Variants in FREM1 observed in about 807,000 individuals in gnomAD.
The protein encoded by FREM1 is FRAS1 related extracellular matrix 1.
A neutral mutation model predicts 210.1 loss-of-function variants in FREM1; 220 were observed. The ratio of observed to expected loss-of-function variants is 1.05; its 90% CI spans 0.94 to 1.17. The LOEUF (loss-of-function observed/expected upper bound fraction) is 1.17. Ranked by LOEUF, FREM1 falls within the 50% of genes most tolerant of loss-of-function variation. FREM1 has a pLI of 0.00. For missense variants in FREM1, 3,454 were observed against 2,675.5 expected (o/e 1.29, Z -6.42); for synonymous variants, 1,189 against 980.2 (o/e 1.21, Z -3.98).
intron 27 of FREM1, among the ~76,000 whole-genome samples, chr9:14,768,500 A>G (rs556575129): frequency 7.2e-5 from 11 of 152,102 alleles, no homozygotes; most frequent in Admixed American, 1.3e-4. Flanking sequence ...ACATTTTAAT[A>G]TCACGGGCCA....
At chr9:14,860,902 C>CGTAT (rs1377329185) in intron 3 of FREM1, among the ~76,000 whole-genome samples, 686 of 67,030 alleles carry the variant, frequency 0.01, 69 homozygotes, top group Non-Finnish European at 0.012. Flanking sequence ...TACATATATA[C>CGTAT]ACATATACAC....
intron 14 of FREM1, among the ~76,000 whole-genome samples, chr9:14,818,539 G>T (rs180953486): frequency 6.6e-6 from 1 of 152,278 alleles, no homozygotes; most frequent in African/African-American, 2.4e-5. Flanking sequence ...GAGTGTGTGG[G>T]TCTACCCGAC....
chr9:14,760,869 T>C (rs771222180), intron 27 of FREM1, among the ~76,000 whole-genome samples: 4 of 150,726 alleles, frequency 2.7e-5, no homozygotes, highest in Non-Finnish European at 5.9e-5. Context: ...TTTTTTGCCA[T>C]CTGTAACCTT....
At chr9:14,799,850 G>C (rs914240763) in intron 20 of FREM1, among the ~76,000 whole-genome samples, 2 of 151,318 alleles carry the variant, frequency 1.3e-5, no homozygotes, top group African/African-American at 4.9e-5. Flanking sequence ...ACAATGTGCA[G>C]GTTAGTTACA....
Position 14,750,196 on chromosome 9 carries a change from T to A in FREM1, c.5488A>T (p.Asn1830Tyr). The A allele has an allele frequency of 6.2e-7, 1 of 1,613,830 alleles. No homozygotes were observed. Among genetic ancestry groups the A allele is most frequent in the Non-Finnish European group, 8.5e-7 (1 of 1,179,774 alleles). The change falls in exon 30 of 37, where the codon AAC becomes TAC. Residue 1830 changes from asparagine (N) to tyrosine (Y), a missense_variant. Physicochemically the swap from Asn to Tyr is moderately radical, Grantham distance 143. Transcript: ENST00000380880. ...CCAAGAACTGCATTCACAGGGGAGT[T>A]CAGAATTACTTCAAAGACCTCATCA... ...EDDEVFEVIL[N>Y]SPVNAVLGTK...
chr9:14,871,873 T>C lies in FREM1; in HGVS notation c.-267-2629A>G, dbSNP rs182815031. ...TAAGGACGGGATCCAGTTTCAGCTT[T>C]GTACATATGGCTAGCCAGTTTTCTC... On this transcript the variant is annotated intron_variant, in intron 1 of 36. Coordinates refer to ENST00000380880, the MANE Select transcript of FREM1 (RefSeq NM_001379081.2). 2.6e-4 allele frequency among the ~76,000 whole-genome samples: 40 copies of C among 152,336 alleles called. No individual in the cohort carries two copies. The East Asian group carries it at 7.1e-3, about 27-fold the overall frequency.
intron 1 of FREM1, among the ~76,000 whole-genome samples, chr9:14,878,214 G>A (rs1259538266): frequency 1.3e-5 from 2 of 152,070 alleles, no homozygotes; most frequent in African/African-American, 4.8e-5. Context: ...TATGTGATCT[G>A]TTTCCCTCTT....
At chr9:14,904,138 C>T (rs916491934) in intron 1 of FREM1, among the ~76,000 whole-genome samples, 2 of 126,850 alleles carry the variant, frequency 1.6e-5, no homozygotes, top group South Asian at 5.2e-4. Flanking sequence ...AAAAAAAAAA[C>T]ACTTAGACAT....
intron 32 of FREM1, 115 bp from the exon 33 acceptor site, chr9:14,747,543 C>G: frequency 1.8e-6 from 2 of 1,135,874 alleles, no homozygotes; most frequent in South Asian, 3.3e-5. Context: ...GGATTTGTTT[C>G]TCTGAACACC....
At chr9:14,776,316 A>C (rs1848568688) in intron 24 of FREM1, 113 bp from the exon 25 acceptor site, 2 of 1,243,704 alleles carry the variant, frequency 1.6e-6, no homozygotes, top group African/African-American at 1.5e-5. Context: ...GTTGTGACTC[A>C]AATGAAAAAT....
Position 14,756,228 on chromosome 9 carries a change from T to G in FREM1, c.5407+146A>C, listed in dbSNP as rs1844328255. 4.8e-6 allele frequency: 3 copies of G among 622,356 alleles called. 1 individual carries two copies. The allele number at this position is 622,356 out of a possible 1,614,324, so 38.6% of individuals were successfully genotyped here. A position where few individuals can be genotyped will look rare whatever the true frequency, so the allele number is the denominator to read the frequency against. ...AAACCTCAAATCCAAACACCTCTCTTTTAGAGTGAGGTGGTATGGCTCCCT... is the reference window on the plus strand; with the variant it reads ...AAACCTCAAATCCAAACACCTCTCTGTTAGAGTGAGGTGGTATGGCTCCCT... On this transcript the variant is annotated intron_variant, in intron 29 of 36. Coordinates refer to ENST00000380880, the MANE Select transcript of FREM1 (RefSeq NM_001379081.2).
intron 24 of FREM1, among the ~76,000 whole-genome samples, chr9:14,777,655 T>A (rs200612654): frequency 0.12 from 5,759 of 48,266 alleles, 141 homozygotes; most frequent in South Asian, 0.23. Context: ...GGAAGTTCTT[T>A]TTTAACTAGA....
At chr9:14,763,223 T>C (rs570961428) in intron 27 of FREM1, among the ~76,000 whole-genome samples, 2 of 152,294 alleles carry the variant, frequency 1.3e-5, no homozygotes, top group South Asian at 4.1e-4. Flanking sequence ...GAGGCTGTCC[T>C]GTGTGGGAAT....
intron 10 of FREM1, among the ~76,000 whole-genome samples, chr9:14,835,334 T>TA (rs1195239216): frequency 6.7e-6 from 1 of 149,956 alleles, no homozygotes; most frequent in Non-Finnish European, 1.5e-5. Context: ...AGACTATCTG[T>TA]AAGTACTCTT....
At chr9:14,793,799 G>C (rs1209482027) in intron 21 of FREM1, among the ~76,000 whole-genome samples, 2 of 152,326 alleles carry the variant, frequency 1.3e-5, no homozygotes, top group South Asian at 2.1e-4. Context: ...CCTCTGCGGA[G>C]ATGCCAAAAC....
chr9:14,792,984 T>A, intron 21 of FREM1, 100 bp from the exon 22 acceptor site: 1 of 707,114 alleles, frequency 1.4e-6, no homozygotes, highest in Non-Finnish European at 2.2e-6. Context: ...CTTCAACAAT[T>A]AAGGAATGAC....
intron 1 of FREM1, among the ~76,000 whole-genome samples, chr9:14,881,654 T>C (rs552151915): frequency 6.6e-6 from 1 of 152,360 alleles, no homozygotes; most frequent in South Asian, 2.1e-4. Context: ...TTCCAATATC[T>C]ATCTCTGACA....
chr9:14,812,973 G>A lies in FREM1; in HGVS notation c.2732C>T (p.Ser911Phe), dbSNP rs774156441. 257 of 1,613,864 alleles carry A rather than the reference G, an allele frequency of 1.6e-4. No individual in the cohort carries two copies. Among genetic ancestry groups the A allele is most frequent in the Non-Finnish European group, 2.1e-4 (253 of 1,179,880 alleles). ...CSEGGEVVIT[S>F]EYIFATDVDS... Reference sequence around the variant, plus strand: ...CACATCAGTAGCAAAAATGTATTCAGAGGTGATGACCACCTCTCCTCCCTC... The same window carrying A: ...CACATCAGTAGCAAAAATGTATTCAAAGGTGATGACCACCTCTCCTCCCTC... The change falls in exon 16 of 37, where the codon TCT becomes TTT. Residue 911 changes from serine to phenylalanine, a missense_variant. Coordinates refer to ENST00000380880, the MANE Select transcript of FREM1 (RefSeq NM_001379081.2).
intron 15 of FREM1, 121 bp downstream of exon 15, chr9:14,816,657 C>A: frequency 4.3e-6 from 2 of 461,388 alleles, no homozygotes; most frequent in Non-Finnish European, 7.2e-6. Flanking sequence ...GACTTCCCAG[C>A]CTCCAGAGTC....
Sources: allele counts gnomAD v4.1 joint callset (sites outside exome capture counted in the v4.1 genomes callset), GRCh38; gene constraint gnomAD v4.1.1; transcripts MANE v1.5; gene names NCBI Gene and HGNC (gene_info 2026-07-23, HGNC 2026-07-21).